Variants in NTRK1 observed in about 807,000 individuals in gnomAD.
NTRK1 encodes high affinity nerve growth factor receptor.
In NTRK1, 62 loss-of-function variants were observed where a neutral mutation model predicts 86.8. That is an observed-to-expected ratio of 0.71 (90% confidence interval 0.58 to 0.88). The LOEUF (loss-of-function observed/expected upper bound fraction) is 0.88. Ranked by LOEUF, NTRK1 falls within the 40% of genes least tolerant of loss-of-function variation. The pLI is 0.00. For missense variants in NTRK1, 967 were observed against 1,078.4 expected (o/e 0.90, Z 1.45); for synonymous variants, 469 against 456.6 (o/e 1.03, Z -0.35).
intron 2 of NTRK1, chr1:156,845,478 GTACCGCCTCCAA>G: frequency 6.6e-7 from 1 of 1,513,510 alleles, no homozygotes; most frequent in Non-Finnish European, 8.8e-7. Context: ...TCTGCAGCGC[GTACCGCCTCCAA>G]AAGCACCCAC....
intron 4 of NTRK1, among the ~76,000 whole-genome samples, chr1:156,867,722 G>T (rs1289554689): frequency 2.0e-5 from 3 of 151,024 alleles, no homozygotes; most frequent in African/African-American, 4.9e-5. Flanking sequence ...AGGCTGGAGT[G>T]CAGTGGCACA....
intron 2 of NTRK1, among the ~76,000 whole-genome samples, chr1:156,848,401 C>A (rs574213274): frequency 6.6e-6 from 1 of 152,168 alleles, no homozygotes; most frequent in Non-Finnish European, 1.5e-5. Context: ...GATTCCTAAC[C>A]GTGTTTTTGG....
Position 156,879,246 on chromosome 1 carries a change from C to T in NTRK1, c.1930C>T (p.Leu644=), listed in dbSNP as rs763566355. The change falls in exon 15 of 17, where the codon CTG becomes TTG. Residue 644 remains leucine (L), a synonymous_variant. Transcript: ENST00000524377. Reference sequence around the variant, plus strand: ...TGCGGGGATGGTGTACCTGGCGGGTCTGCATTTTGTGCACCGGGACCTGGC... The same window carrying T: ...TGCGGGGATGGTGTACCTGGCGGGTTTGCATTTTGTGCACCGGGACCTGGC... ...VAAGMVYLAG[L]HFVHRDLATR... is the part of the protein sequence containing the mutation. 6.2e-7 allele frequency: 1 copy of T among 1,614,068 alleles called. No homozygotes were observed. Among genetic ancestry groups the T allele is most frequent in the Non-Finnish European group, 8.5e-7 (1 of 1,180,030 alleles).
Position 156,854,869 on chromosome 1 carries a change from T to A in NTRK1, c.51-9485T>A, listed in dbSNP as rs965646835. Among the ~76,000 whole-genome samples the A allele has an allele frequency of 4.6e-5, 7 of 152,138 alleles. No homozygotes were observed. The highest frequency in any genetic ancestry group is 8.8e-5 in the Non-Finnish European group (6 of 68,032). On this transcript the variant is annotated intron_variant, in intron 2 of 16. Transcript: ENST00000392302. This position sits in a 1 kb window ranked among gnomAD's most constrained non-coding sequence, Gnocchi z 4.2. ...CAGATGGATCACGTTTCTCCTCTGC[T>A]TATAACCCCCCGTGACTTCCATCTC...
intron 10 of NTRK1, 31 bp from the exon 11 acceptor site, chr1:156,874,875 C>T (rs2102911689): frequency 6.6e-7 from 1 of 1,511,464 alleles, no homozygotes; most frequent in Non-Finnish European, 9.2e-7. Flanking sequence ...AGGAGGAGCC[C>T]CTGGATCTAA....
In NTRK1 at chr1:156,846,047, G is replaced by C. The variant is rs780030769; in HGVS notation, c.50+3854G>C. ...GGTGAGGTTCCCATTGCGCTGGGTC[G>C]GTGGCTTCCAGCGCACCAGGAGGTG... On this transcript the variant is annotated intron_variant, in intron 2 of 16. Coordinates refer to the NTRK1 transcript ENST00000392302. The C allele has an allele frequency of 9.3e-6, 15 of 1,613,228 alleles. No individual in the cohort carries two copies. The Admixed American group carries it at 2.2e-4, about 23-fold the overall frequency.
Position 156,881,685 on chromosome 1 carries a change from G to A in NTRK1, c.*43G>A, listed in dbSNP as rs564735203. On this transcript the variant is annotated 3_prime_UTR_variant, in exon 17 of 17. Coordinates refer to ENST00000524377, the MANE Select transcript of NTRK1 (RefSeq NM_002529.4). ...TGGGAGTGGTTAGCCGGAATACTGG[G>A]GCCTGCCCTCAGCATCCCCCATAGC... The A allele has an allele frequency of 6.4e-7, 1 of 1,553,932 alleles. No homozygotes were observed. The highest frequency in any genetic ancestry group is 2.0e-5 in the Admixed American group (1 of 50,874).
At chr1:156,832,440 T>A (rs1654488848) in intron 1 of NTRK1, among the ~76,000 whole-genome samples, 1 of 151,952 alleles carries the variant, frequency 6.6e-6, no homozygotes, top group Non-Finnish European at 1.5e-5. Context: ...TAGGATGAGA[T>A]TGCAAGGGGA....
chr1:156,841,662 C>T (rs1159367678), intron 1 of NTRK1: 3 of 1,613,606 alleles, frequency 1.9e-6, no homozygotes, highest in South Asian at 1.1e-5. Flanking sequence ...AGCTCGGCCC[C>T]ACCAGACATC....
chr1:156,871,849 G>T, intron 7 of NTRK1, 94 bp downstream of exon 7: 1 of 1,534,946 alleles, frequency 6.5e-7, no homozygotes. Context: ...GAAAGGGTGG[G>T]ATGTGTGTCT....
intron 2 of NTRK1, among the ~76,000 whole-genome samples, chr1:156,850,872 A>T (rs182876876): frequency 0.013 from 2,046 of 152,234 alleles, 24 homozygotes; most frequent in Middle Eastern, 0.054. Context: ...TTTTTATTTT[A>T]AAAAATGCTG....
chr1:156,849,497 T>TTGGG, intron 2 of NTRK1: 4 of 243,930 alleles, frequency 1.6e-5, no homozygotes, highest in East Asian at 9.5e-5. Context: ...TGCGGGGAGG[T>TTGGG]GGGGGCAGGG....
intron 4 of NTRK1, 72 bp from the exon 5 acceptor site, chr1:156,868,032 C>T (rs760308513): frequency 1.3e-5 from 21 of 1,572,762 alleles, no homozygotes; most frequent in Non-Finnish European, 1.7e-5. Flanking sequence ...TGCTGCCTAA[C>T]TGCTCCCTCT....
At chr1:156,856,648 ATTG>A (rs2102873016), upstream of NTRK1, among the ~76,000 whole-genome samples, 1 of 152,048 alleles carries the variant, frequency 6.6e-6, no homozygotes, top group East Asian at 1.9e-4. Flanking sequence ...TGGCTCCAAA[ATTG>A]TTGTATACAT....
intron 2 of NTRK1, chr1:156,853,606 A>G (rs963989584): frequency 2.4e-6 from 2 of 843,142 alleles, no homozygotes; most frequent in South Asian, 1.9e-5. Context: ...TCTGAGCCTT[A>G]GTTTCCTTAC....
chr1:156,841,335 G>A (rs769774285), intron 1 of NTRK1: 597 of 1,529,440 alleles, frequency 3.9e-4, no homozygotes, highest in African/African-American at 8.1e-4. Context: ...TCATGGGGCC[G>A]GGTGGGGGAG....
intron 2 of NTRK1, chr1:156,849,583 T>G: frequency 1.4e-6 from 1 of 694,946 alleles, no homozygotes. Flanking sequence ...ACTCAGTGGC[T>G]GGCTCACACC....
At position 156,881,555 on chromosome 1, in the gene NTRK1, C is replaced by T. The variant is rs2102931163; in HGVS notation, c.2304C>T (p.Pro768=). Reference sequence around the variant, plus strand: ...TGCGGGGCTGCTGGCAGCGGGAGCCCCAGCAACGCCACAGCATCAAGGATG... The same window carrying T: ...TGCGGGGCTGCTGGCAGCGGGAGCCTCAGCAACGCCACAGCATCAAGGATG... ...AIMRGCWQRE[P]QQRHSIKDVH... is the part of the protein sequence containing the mutation. Residue 768 remains proline (P), a synonymous_variant, in exon 17 of 17, where the codon CCC becomes CCT. Coordinates refer to ENST00000524377, the MANE Select transcript of NTRK1 (RefSeq NM_002529.4). 1 of 1,610,236 alleles carries T rather than the reference C, an allele frequency of 6.2e-7. No individual in the cohort carries two copies. The highest frequency in any genetic ancestry group is 1.1e-5 in the South Asian group (1 of 90,258).
At position 156,880,046 on chromosome 1, in the gene NTRK1, C is replaced by T. The variant is rs755536385; in HGVS notation, c.2094C>T (p.Ser698=). 4.3e-6 allele frequency: 7 copies of T among 1,613,364 alleles called. No homozygotes were observed. The highest frequency in any genetic ancestry group is 1.1e-5 in the South Asian group (1 of 91,038). ...CCATTCGCTGGATGCCGCCCGAGAG[C>T]ATCCTGTACCGTAAGTTCACCACCG... ...MLPIRWMPPE[S]ILYRKFTTES... Residue 698 remains serine, a synonymous_variant, in exon 16 of 17, where the codon AGC becomes AGT. Coordinates refer to ENST00000524377, the MANE Select transcript of NTRK1 (RefSeq NM_002529.4).
Sources: allele counts gnomAD v4.1 joint callset (sites outside exome capture counted in the v4.1 genomes callset), GRCh38; gene constraint gnomAD v4.1.1; non-coding constraint Gnocchi (gnomAD v3.1); transcripts MANE v1.5; gene names NCBI Gene and HGNC (gene_info 2026-07-23, HGNC 2026-07-21).